The following NFAT5 variants were observed in gnomAD, a reference collection of about 807,000 sequenced individuals.
The protein encoded by NFAT5 is nuclear factor of activated T-cells 5.
NFAT5 carries 31 observed loss-of-function variants against 166.5 expected under a neutral mutation model. The ratio of observed to expected loss-of-function variants is 0.19; its 90% CI spans 0.14 to 0.25. The LOEUF (loss-of-function observed/expected upper bound fraction) is 0.25. Ranked by LOEUF, NFAT5 falls within the 10% of genes least tolerant of loss-of-function variation. The pLI is 1.00. For synonymous variants in NFAT5, 612 were observed against 639.7 expected (o/e 0.96, Z 0.65); for missense variants, 1,449 against 1,821.8 (o/e 0.80, Z 3.72).
At chr16:69,623,866 A>G (rs543668558) in intron 2 of NFAT5, among the ~76,000 whole-genome samples, 5 of 150,602 alleles carry the variant, frequency 3.3e-5, no homozygotes, top group East Asian at 2.0e-4. Flanking sequence ...AAAAAAAAAA[A>G]AAAGAAACAG....
chr16:69,693,865 G>C lies in NFAT5; in HGVS notation c.4040G>C (p.Ser1347Thr), dbSNP rs748392099. Residue 1347 changes from serine (S) to threonine (T), a missense_variant, in exon 13 of 15, where the codon AGT becomes ACT. Ser to Thr is a moderately conservative substitution (Grantham distance 58). Coordinates refer to ENST00000349945, the MANE Select transcript of NFAT5 (RefSeq NM_138713.4). ...GAGCAACAGCCCATGCAATTTCAGAGTCAGTCCACAGTTTCCTCACTTCAG... is the reference window on the plus strand; with the variant it reads ...GAGCAACAGCCCATGCAATTTCAGACTCAGTCCACAGTTTCCTCACTTCAG... Reference protein sequence around the residue: ...NQEQQPMQFQSQSTVSSLQNP... With the variant: ...NQEQQPMQFQTQSTVSSLQNP... 1.8e-5 allele frequency: 29 copies of C among 1,614,054 alleles called. 1 individual carries two copies. Among genetic ancestry groups the C allele is most frequent in the Non-Finnish European group, 2.1e-5 (25 of 1,180,042 alleles).
In NFAT5 at chr16:69,649,340, G is replaced by C. The variant is rs993282857; in HGVS notation, c.812+1754G>C. 11 of 970,934 alleles carry C rather than the reference G, an allele frequency of 1.1e-5. No homozygotes were observed. In the South Asian group the frequency reaches 3.3e-4, roughly 29 times the overall value. The allele number at this position is 970,934 out of a possible 1,614,324, so 60.1% of individuals were successfully genotyped here. A position where few individuals can be genotyped will look rare whatever the true frequency, so the allele number is the denominator to read the frequency against. ...AATGAATGTTGAAGGTTCAAATTTA[G>C]AGCAAATAGAATTTTTACTTATGGC... is the stretch of plus-strand genomic sequence containing the variant. On this transcript the variant is annotated intron_variant, in intron 4 of 14. Coordinates refer to ENST00000349945, the MANE Select transcript of NFAT5 (RefSeq NM_138713.4).
intron 7 of NFAT5, among the ~76,000 whole-genome samples, chr16:69,669,274 G>T (rs1242097727): frequency 6.6e-6 from 1 of 152,146 alleles, no homozygotes; most frequent in Admixed American, 6.6e-5. Flanking sequence ...TAGATTTTTG[G>T]CTGGGCATGG....
intron 10 of NFAT5, among the ~76,000 whole-genome samples, chr16:69,678,267 T>C (rs1431444470): frequency 6.6e-6 from 1 of 150,700 alleles, no homozygotes; most frequent in Non-Finnish European, 1.5e-5. Flanking sequence ...CAGGCTGGAG[T>C]GCAATGGCGC....
At chr16:69,594,473 A>G (rs1002590798) in intron 2 of NFAT5, among the ~76,000 whole-genome samples, 1 of 152,182 alleles carries the variant, frequency 6.6e-6, no homozygotes, top group African/African-American at 2.4e-5. Flanking sequence ...ATGGAAACCC[A>G]AATGTCCCAG....
chr16:69,646,666 G>A (rs1273110543), intron 3 of NFAT5: 1 of 368,380 alleles, frequency 2.7e-6, no homozygotes, highest in East Asian at 1.1e-4. Context: ...ATTGAATGTG[G>A]ACCACCAGCA....
intron 2 of NFAT5, among the ~76,000 whole-genome samples, chr16:69,570,751 A>G (rs1483636911): frequency 6.6e-6 from 1 of 152,160 alleles, no homozygotes; most frequent in East Asian, 1.9e-4. Context: ...CCTATAACCT[A>G]TGTTGAAATT....
rs1567606554 is a variant in NFAT5, at chr16:69,685,183, TA to T, written c.1774+214del. 476 of 131,004 alleles carry T rather than the reference TA, an allele frequency of 3.6e-3. 3 individuals carry two copies. Among genetic ancestry groups the T allele is most frequent in the Middle Eastern group, 0.01 (3 of 288 alleles). 8.1% of individuals were successfully genotyped at this position (131,004 alleles called of 1,614,324 possible). A position where few individuals can be genotyped will look rare whatever the true frequency, so the allele number is the denominator to read the frequency against. On this transcript the variant is annotated intron_variant, in intron 11 of 14. Coordinates refer to ENST00000349945, the MANE Select transcript of NFAT5 (RefSeq NM_138713.4). ...CTGAATATGTTTTTATATATATATA[TA>T]TATATATTTTTTTTTTTAAGTATAT...
chr16:69,615,737 G>C (rs1024572363), intron 2 of NFAT5, among the ~76,000 whole-genome samples: 1 of 151,976 alleles, frequency 6.6e-6, no homozygotes, highest in Non-Finnish European at 1.5e-5. Flanking sequence ...ATCTTATTGA[G>C]AAACTTGATT....
At position 69,604,026 on chromosome 16, in the gene NFAT5, C is replaced by T. The variant is rs1048823172; in HGVS notation, c.128-22377C>T. On this transcript the variant is annotated intron_variant, in intron 2 of 14. Transcript: ENST00000349945. ...TTTAATTCTTTCTAATAGCCTAGGT[C>T]AGTGGATTCTTGGATTATTGCATTT... Among the ~76,000 whole-genome samples the T allele has an allele frequency of 6.6e-5, 10 of 152,052 alleles. 1 individual carries two copies. The highest frequency in any genetic ancestry group is 2.4e-4 in the African/African-American group (10 of 41,382).
At chr16:69,612,014 G>A (rs967291627) in intron 2 of NFAT5, among the ~76,000 whole-genome samples, 2 of 152,180 alleles carry the variant, frequency 1.3e-5, no homozygotes, top group African/African-American at 2.4e-5. Flanking sequence ...CTGAGCTGTC[G>A]TTCATTTTAT....
At position 69,647,653 on chromosome 16, in the gene NFAT5, A is replaced by G; in HGVS notation, c.812+67A>G. 2 of 1,372,788 alleles carry G rather than the reference A, an allele frequency of 1.5e-6. No homozygotes were observed. The highest frequency in any genetic ancestry group is 9.8e-7 in the Non-Finnish European group (1 of 1,022,520). The allele number at this position is 1,372,788 out of a possible 1,614,324, so 85.0% of individuals were successfully genotyped here. ...AAACAAACAAACAAAAAAAATTCCC[A>G]ATTTTTCCTAATTGCTGAGCTCAAG... On this transcript the variant is annotated intron_variant, in intron 4 of 14. Transcript: ENST00000349945. This position sits in a 1 kb window ranked among gnomAD's most constrained non-coding sequence, Gnocchi z 4.8.
Position 69,693,277 on chromosome 16 carries a change from A to G in NFAT5, c.3452A>G (p.Gln1151Arg), listed in dbSNP as rs757778480. The stretch of plus-strand genomic sequence containing the variant: ...GTGTTACAGGGCTCTTCAGTTCCTC[A>G]AGACCAGCAGTCAACCAACATATTT... ...IAVLQGSSVP[Q>R]DQQSTNIFLS... Residue 1151 changes from glutamine to arginine, a missense_variant, in exon 13 of 15, where the codon CAA becomes CGA. This residue lies in a region of NFAT5 where 891 missense variants were observed against 993.0 expected (regional missense o/e 0.90). Transcript: ENST00000349945. 1.2e-6 allele frequency: 2 copies of G among 1,614,190 alleles called. No individual in the cohort carries two copies. Among genetic ancestry groups the G allele is most frequent in the South Asian group, 1.1e-5 (1 of 91,084 alleles).
chr16:69,625,425 G>T (rs369202158), intron 2 of NFAT5, among the ~76,000 whole-genome samples: 2 of 151,960 alleles, frequency 1.3e-5, no homozygotes, highest in African/African-American at 4.8e-5. Flanking sequence ...TCTAATATAG[G>T]TATTTATGCA....
Position 69,688,656 on chromosome 16 carries a change from T to A in NFAT5, c.1775-2284T>A, listed in dbSNP as rs115341985. Among the ~76,000 whole-genome samples the A allele has an allele frequency of 4.4e-3, 663 of 152,236 alleles. 7 individuals carry two copies. The highest frequency in any genetic ancestry group is 0.015 in the African/African-American group (620 of 41,534). ...TGCTGGGATTACAGGCATGAGCCAATGCGCCTGGCCCATATTTTTATTTTT... is the reference window on the plus strand; with the variant it reads ...TGCTGGGATTACAGGCATGAGCCAAAGCGCCTGGCCCATATTTTTATTTTT... On this transcript the variant is annotated intron_variant, in intron 11 of 14. Transcript: ENST00000349945.
intron 14 of NFAT5, among the ~76,000 whole-genome samples, 166 bp from the exon 15 acceptor site, chr16:69,696,194 C>G (rs918831452): frequency 3.3e-5 from 5 of 152,098 alleles, no homozygotes; most frequent in Non-Finnish European, 7.3e-5. Context: ...CTCACTTATC[C>G]CTTCCTCCAG....
chr16:69,672,150 A>G lies in NFAT5; in HGVS notation c.1557+1862A>G, dbSNP rs149916459. On this transcript the variant is annotated intron_variant, in intron 9 of 14. Transcript: ENST00000349945. ...AATATCGTATAGTGTGGAGATTCCT[A>G]TATATCTAGACAAATGCTATGTGGC... is the stretch of plus-strand genomic sequence containing the variant. Among the ~76,000 whole-genome samples, 11 of 152,332 alleles carry G rather than the reference A, an allele frequency of 7.2e-5. No individual in the cohort carries two copies. The East Asian group carries it at 1.7e-3, about 24-fold the overall frequency.
chr16:69,646,614 C>G (rs557753640), intron 3 of NFAT5: 25 of 870,938 alleles, frequency 2.9e-5, no homozygotes, highest in Non-Finnish European at 3.8e-5. Context: ...TGGCTAAGCA[C>G]AGTCCCACTT....
At chr16:69,638,969 C>T (rs1170961157) in intron 3 of NFAT5, among the ~76,000 whole-genome samples, 3 of 152,008 alleles carry the variant, frequency 2.0e-5, no homozygotes, top group Non-Finnish European at 4.4e-5. Context: ...CTCTTTTTAG[C>T]CTATACTTCC....
Sources: gnomAD v4.1 joint callset for allele counts (sites outside exome capture counted in the v4.1 genomes callset) on GRCh38, gnomAD v4.1.1 for gene constraint, gnomAD v4.1.1 regional missense constraint, Gnocchi (gnomAD v3.1) non-coding constraint, MANE v1.5 for transcripts, NCBI Gene and HGNC (gene_info 2026-07-23, HGNC 2026-07-21) for gene names.